PKP4: variants seen among roughly 807,000 people sequenced by gnomAD.
PKP4 encodes the protein plakophilin-4.
In PKP4, 90 loss-of-function variants were observed where a neutral mutation model predicts 145.1. The observed-to-expected ratio is 0.62, with a 90% confidence interval of 0.52 to 0.74. PKP4 has a LOEUF of 0.74. PKP4 is among the 30% of genes least tolerant of loss of function. The probability of loss-of-function intolerance (pLI) is 0.00; values close to 1 mark genes in which losing one functional copy is unlikely to be tolerated. For synonymous variants in PKP4, 563 were observed against 577.2 expected (o/e 0.98, Z 0.35); for missense variants, 1,340 against 1,482.7 (o/e 0.90, Z 1.58).
intron 3 of PKP4, among the ~76,000 whole-genome samples, chr2:158,578,905 T>G (rs1309988496): frequency 6.6e-6 from 1 of 152,182 alleles, no homozygotes; most frequent in Non-Finnish European, 1.5e-5. Context: ...TTGAGCTACC[T>G]CTGTAGGAGA....
intron 1 of PKP4, among the ~76,000 whole-genome samples, chr2:158,471,686 A>C (rs1326763030): frequency 6.6e-6 from 1 of 152,214 alleles, no homozygotes; most frequent in South Asian, 2.1e-4. Context: ...TATTTCTCCA[A>C]TCTTATTCAT....
intron 10 of PKP4, among the ~76,000 whole-genome samples, chr2:158,641,671 G>A (rs1455849432): frequency 6.6e-6 from 1 of 152,156 alleles, no homozygotes; most frequent in Non-Finnish European, 1.5e-5. Context: ...AGACCTAAAA[G>A]TGAATGTAGT....
At chr2:158,604,671 C>T (rs183833992) in intron 4 of PKP4, among the ~76,000 whole-genome samples, 49 of 152,024 alleles carry the variant, frequency 3.2e-4, no homozygotes, top group African/African-American at 1.1e-3. Context: ...GAGCCAGTTT[C>T]GGTGGGGGTG....
intron 1 of PKP4, among the ~76,000 whole-genome samples, chr2:158,524,145 C>T (rs1471036974): frequency 1.4e-5 from 1 of 69,998 alleles, no homozygotes; most frequent in Non-Finnish European, 2.8e-5. Context: ...CACAAAGATA[C>T]TCCTCGAGAA....
chr2:158,563,628 A>G (rs12052933), intron 2 of PKP4, among the ~76,000 whole-genome samples: 70,527 of 151,752 alleles, frequency 0.46, 17,339 homozygotes, highest in South Asian at 0.67. Context: ...GTTTTATTTG[A>G]TTGGTTGGTT....
chr2:158,471,594 A>C lies in PKP4; in HGVS notation c.-6+14376A>C, dbSNP rs372582937. 1.3e-4 allele frequency among the ~76,000 whole-genome samples: 20 copies of C among 152,386 alleles called. 2 individuals are homozygous for C. The highest frequency in any genetic ancestry group is 1.2e-3 in the South Asian group (6 of 4,828). ...GCTCATCACACATGAGAGAAGACAT[A>C]CTGGAAGTAAGATTCATCTCTTCTA... On this transcript the variant is annotated intron_variant, in intron 1 of 21. Transcript: ENST00000389759.
intron 3 of PKP4, among the ~76,000 whole-genome samples, chr2:158,594,180 G>A (rs970206635): frequency 1.3e-5 from 2 of 152,112 alleles, no homozygotes; most frequent in Non-Finnish European, 2.9e-5. Context: ...ATGGATTGAC[G>A]CAGAGCCTCA....
In PKP4 at chr2:158,621,248, A is replaced by G. The variant is rs773421518; in HGVS notation, c.430A>G (p.Arg144Gly). 1 of 1,614,216 alleles carries G rather than the reference A, an allele frequency of 6.2e-7. No individual in the cohort carries two copies. The highest frequency in any genetic ancestry group is 8.5e-7 in the Non-Finnish European group (1 of 1,180,008). The change falls in exon 6 of 22, where the codon AGA (arginine) becomes GGA (glycine). Residue 144 changes from arginine (R) to glycine (G), a missense_variant. By Grantham distance (125) the Arg-to-Gly change is moderately radical. Transcript: ENST00000389759. ...HESEGSLGNSRSSTQMNSYSD... is the reference protein window; with the variant it reads ...HESEGSLGNSGSSTQMNSYSD... Reference sequence around the variant, plus strand: ...TCTTACAGGATCATTGGGTAACTCAAGAAGTTCAACACAAATGAATTCTTA... The same window carrying G: ...TCTTACAGGATCATTGGGTAACTCAGGAAGTTCAACACAAATGAATTCTTA...
chr2:158,603,225 G>C (rs555691550), intron 4 of PKP4, 121 bp downstream of exon 4: 1 of 519,798 alleles, frequency 1.9e-6, no homozygotes, highest in Non-Finnish European at 3.4e-6. Context: ...ACAATATTGC[G>C]CTACATTGCT....
chr2:158,605,181 C>T (rs2050552490), intron 4 of PKP4, among the ~76,000 whole-genome samples: 1 of 152,174 alleles, frequency 6.6e-6, no homozygotes, highest in Non-Finnish European at 1.5e-5. Flanking sequence ...ATACTGCATA[C>T]ATGAACGAAT....
At chr2:158,641,331 C>CAA (rs33990329) in intron 10 of PKP4, among the ~76,000 whole-genome samples, 40 of 138,826 alleles carry the variant, frequency 2.9e-4, no homozygotes, top group East Asian at 8.2e-4. Context: ...GACTCTGTCT[C>CAA]AAAAAAAAAA....
At chr2:158,612,172 A>C (rs1246381614) in intron 4 of PKP4, among the ~76,000 whole-genome samples, 1 of 152,068 alleles carries the variant, frequency 6.6e-6, no homozygotes, top group Non-Finnish European at 1.5e-5. Flanking sequence ...GAAACACCCC[A>C]GACTGTTAAC....
intron 1 of PKP4, among the ~76,000 whole-genome samples, chr2:158,461,369 A>G (rs1463600598): frequency 1.3e-5 from 2 of 152,202 alleles, no homozygotes; most frequent in African/African-American, 2.4e-5. Context: ...AATGTTGGCT[A>G]TATCACTGAT....
At position 158,634,269 on chromosome 2, in the gene PKP4, C is replaced by CCT; in HGVS notation, c.1542_1543insCT (p.Ser515LeufsTer49). 1 of 1,614,040 alleles carries CCT rather than the reference C, an allele frequency of 6.2e-7. No homozygotes were observed. The highest frequency in any genetic ancestry group is 8.5e-7 in the Non-Finnish European group (1 of 1,179,952). ...GCACCACAAGATCCCCATCAATAGA[C>CCT]AGCATTCAGAAGGACCCCAGGCGAG... On this transcript the variant is annotated frameshift_variant, in exon 9 of 22. Transcript: ENST00000389759. LOFTEE classifies it high-confidence loss of function.
chr2:158,553,663 T>C (rs2045826111), intron 2 of PKP4, among the ~76,000 whole-genome samples: 1 of 152,220 alleles, frequency 6.6e-6, no homozygotes, highest in Non-Finnish European at 1.5e-5. Context: ...CCCGCTGGGT[T>C]TTGAAATTAT....
chr2:158,590,431 T>G (rs2049172000), intron 3 of PKP4, among the ~76,000 whole-genome samples: 1 of 151,254 alleles, frequency 6.6e-6, no homozygotes, highest in Non-Finnish European at 1.5e-5. Flanking sequence ...GATCCTATGA[T>G]GTGTAGTCTT....
intron 4 of PKP4, among the ~76,000 whole-genome samples, chr2:158,614,894 C>G (rs1330708947): frequency 2.6e-5 from 4 of 152,034 alleles, no homozygotes. Context: ...ACAGAGCCTT[C>G]GATCCTCAAT....
intron 4 of PKP4, among the ~76,000 whole-genome samples, chr2:158,616,279 C>T (rs886930298): frequency 2.6e-5 from 4 of 152,160 alleles, no homozygotes; most frequent in Non-Finnish European, 1.5e-5. Context: ...ACAGAAGGTA[C>T]TAAAGAGGAG....
At chr2:158,461,025 G>A (rs1228148555) in intron 1 of PKP4, among the ~76,000 whole-genome samples, 1 of 152,212 alleles carries the variant, frequency 6.6e-6, no homozygotes, top group African/African-American at 2.4e-5. Flanking sequence ...TGGAAGTGAT[G>A]ATAGCAGTCA....
Sources: gnomAD v4.1 joint callset for allele counts (sites outside exome capture counted in the v4.1 genomes callset) on GRCh38, gnomAD v4.1.1 for gene constraint, MANE v1.5 for transcripts, NCBI Gene and HGNC (gene_info 2026-07-23, HGNC 2026-07-21) for gene names.